Variants in DNAJC15 observed in about 807,000 individuals in gnomAD.
The protein encoded by DNAJC15 is DnaJ heat shock protein family (Hsp40) member C15, also known as dnaJ homolog subfamily C member 15.
DNAJC15 carries 27 observed loss-of-function variants against 22.4 expected under a neutral mutation model. The ratio of observed to expected loss-of-function variants is 1.20; its 90% CI spans 0.89 to 1.66. The LOEUF is 1.66. Among genes scored for constraint, DNAJC15 ranks in the 40% most tolerant of loss-of-function variants. DNAJC15 has a pLI of 0.00. For missense variants in DNAJC15, 208 were observed against 187.1 expected, an observed-to-expected ratio of 1.11 and a Z score of -0.65; for synonymous variants, 79 against 63.2, an observed-to-expected ratio of 1.25 and a Z score of -1.19.
chr13:43,099,152 T>C (rs1228238987), intron 5 of DNAJC15, among the ~76,000 whole-genome samples: 1 of 152,170 alleles, frequency 6.6e-6, no homozygotes, highest in Non-Finnish European at 1.5e-5. Context: ...TTTAATGCTA[T>C]TGTGAATGGA....
chr13:43,043,005 G>C (rs1049571586), intron 1 of DNAJC15, among the ~76,000 whole-genome samples: 2 of 152,180 alleles, frequency 1.3e-5, no homozygotes, highest in Non-Finnish European at 2.9e-5. Context: ...TTCAGGGGCT[G>C]CAAGTGCTCT....
intron 5 of DNAJC15, among the ~76,000 whole-genome samples, chr13:43,103,513 T>C (rs1046125984): frequency 6.6e-6 from 1 of 152,238 alleles, no homozygotes; most frequent in African/African-American, 2.4e-5. Context: ...TAGCACCGTT[T>C]ATTGTTATTT....
chr13:43,070,542 T>C (rs2040603824), intron 3 of DNAJC15, among the ~76,000 whole-genome samples: 1 of 151,280 alleles, frequency 6.6e-6, no homozygotes, highest in Non-Finnish European at 1.5e-5. Flanking sequence ...GGTTAAAGAG[T>C]AACAGCAATG....
rs371762710 is a variant in DNAJC15 at position 43,083,316 on chromosome 13, C to T, written c.312-2452C>T. ...CCGAGTAGCTGGGACCACAGGCGCC[C>T]GCCACCACGCCTGGCTAATTTTTTG... is the stretch of plus-strand genomic sequence containing the variant. On this transcript the variant is annotated intron_variant, in intron 4 of 5. Coordinates refer to ENST00000379221, the MANE Select transcript of DNAJC15 (RefSeq NM_013238.3). 9.2e-5 allele frequency among the ~76,000 whole-genome samples: 14 copies of T among 152,052 alleles called. No homozygotes were observed. In the East Asian group the frequency reaches 1.2e-3, roughly 13 times the overall value.
chr13:43,059,434 CGCAATCTCG>C (rs1173631467), intron 1 of DNAJC15, among the ~76,000 whole-genome samples: 1 of 152,028 alleles, frequency 6.6e-6, no homozygotes, highest in African/African-American at 2.4e-5. Flanking sequence ...AGTGCAACGG[CGCAATCTCG>C]GCTCACCGCT....
chr13:43,070,291 C>T (rs2040602699), intron 3 of DNAJC15, among the ~76,000 whole-genome samples: 1 of 152,080 alleles, frequency 6.6e-6, no homozygotes, highest in African/African-American at 2.4e-5. Context: ...GGTGTATTTT[C>T]TGTTTTCCTA....
At chr13:43,046,130 T>G (rs1464358871) in intron 1 of DNAJC15, among the ~76,000 whole-genome samples, 1 of 152,202 alleles carries the variant, frequency 6.6e-6, no homozygotes, top group Non-Finnish European at 1.5e-5. Context: ...TTCTTTCATG[T>G]TTTCCACATA....
At chr13:43,055,963 CTT>C (rs916009702) in intron 1 of DNAJC15, among the ~76,000 whole-genome samples, 4 of 152,040 alleles carry the variant, frequency 2.6e-5, no homozygotes, top group African/African-American at 7.2e-5. Flanking sequence ...AGTTCAAATA[CTT>C]TTTTATTTTT....
intron 5 of DNAJC15, among the ~76,000 whole-genome samples, chr13:43,101,202 A>G (rs1161099705): frequency 1.3e-5 from 2 of 152,052 alleles, no homozygotes; most frequent in Admixed American, 6.6e-5. Flanking sequence ...CTTTTCTTCA[A>G]TTTTTAATAG....
At chr13:43,105,067 G>A (rs1305696825) in intron 5 of DNAJC15, among the ~76,000 whole-genome samples, 1 of 151,424 alleles carries the variant, frequency 6.6e-6, no homozygotes, top group Non-Finnish European at 1.5e-5. Flanking sequence ...CCAGCAACTA[G>A]ATATTATAAC....
intron 4 of DNAJC15, among the ~76,000 whole-genome samples, chr13:43,085,204 T>C (rs1012796785): frequency 3.3e-5 from 5 of 151,958 alleles, no homozygotes; most frequent in African/African-American, 4.8e-5. Flanking sequence ...TCTACTAAAA[T>C]ACAAAAATTA....
chr13:43,085,614 G>A (rs557902743), intron 4 of DNAJC15, among the ~76,000 whole-genome samples, 154 bp from the exon 5 acceptor site: 1 of 152,302 alleles, frequency 6.6e-6, no homozygotes, highest in South Asian at 2.1e-4. Flanking sequence ...TATTTTGATG[G>A]TTAGTGGAAT....
At chr13:43,097,201 A>G (rs1417823104) in intron 5 of DNAJC15, among the ~76,000 whole-genome samples, 1 of 152,210 alleles carries the variant, frequency 6.6e-6, no homozygotes, top group East Asian at 1.9e-4. Context: ...CTTCTTAGAA[A>G]TTCTCTCTAA....
intron 5 of DNAJC15, among the ~76,000 whole-genome samples, chr13:43,105,754 G>A (rs1424795820): frequency 2.0e-5 from 3 of 152,114 alleles, no homozygotes; most frequent in Non-Finnish European, 4.4e-5. Flanking sequence ...CCAAGACATC[G>A]AGGACATCAC....
chr13:43,080,483 A>T (rs1423904237), intron 4 of DNAJC15, among the ~76,000 whole-genome samples: 1 of 152,174 alleles, frequency 6.6e-6, no homozygotes, highest in Admixed American at 6.5e-5. Context: ...GGTTGATTCC[A>T]TATGTTTGCT....
chr13:43,043,281 T>C lies in DNAJC15; in HGVS notation c.108+19547T>C, dbSNP rs549765447. 2.0e-5 allele frequency among the ~76,000 whole-genome samples: 3 copies of C among 152,240 alleles called. No homozygotes were observed. The South Asian group carries it at 6.2e-4, about 32-fold the overall frequency. On this transcript the variant is annotated intron_variant, in intron 1 of 5. Coordinates refer to ENST00000379221, the MANE Select transcript of DNAJC15 (RefSeq NM_013238.3). ...TGCCACCACTCCCAGCTAATTTTTG[T>C]ATTTTTAGTAGAGACGGGGTTTCAC... is the stretch of plus-strand genomic sequence containing the variant.
At chr13:43,050,772 T>A (rs973092178) in intron 1 of DNAJC15, among the ~76,000 whole-genome samples, 3 of 152,130 alleles carry the variant, frequency 2.0e-5, no homozygotes, top group Admixed American at 6.5e-5. Context: ...ATTTAAAAAA[T>A]TTTTTTAGCC....
intron 1 of DNAJC15, among the ~76,000 whole-genome samples, chr13:43,058,896 A>G (rs1438964601): frequency 6.6e-6 from 1 of 152,164 alleles, no homozygotes; most frequent in Non-Finnish European, 1.5e-5. Context: ...CTGGATTTTC[A>G]GGTTCCCCAG....
chr13:43,041,213 G>T (rs920363655), intron 1 of DNAJC15, among the ~76,000 whole-genome samples: 1 of 152,188 alleles, frequency 6.6e-6, no homozygotes, highest in African/African-American at 2.4e-5. Context: ...GCAGGGTTTT[G>T]TGTCCCTGGG....
Sources: gnomAD v4.1 joint callset for allele counts (sites outside exome capture counted in the v4.1 genomes callset) on GRCh38, gnomAD v4.1.1 for gene constraint, MANE v1.5 for transcripts, NCBI Gene and HGNC (gene_info 2026-07-23, HGNC 2026-07-21) for gene names.